TMEM178B: variants seen among roughly 807,000 people sequenced by gnomAD.
TMEM178B encodes transmembrane protein 178B.
Under a neutral mutation model 31.0 loss-of-function variants are expected in TMEM178B, and 5 were observed. The ratio of observed to expected loss-of-function variants is 0.16; its 90% CI spans 0.08 to 0.34. The LOEUF is 0.34. Ranked by LOEUF, TMEM178B falls within the 10% of genes least tolerant of loss-of-function variation. The pLI is 1.00. For missense variants in TMEM178B, 275 were observed against 400.3 expected (o/e 0.69, Z 2.67); for synonymous variants, 164 against 164.0 (o/e 1.00, Z 0.00).
At position 141,416,495 on chromosome 7, in the gene TMEM178B, G is replaced by A. The variant is rs183534632; in HGVS notation, c.497-21113G>A. On this transcript the variant is annotated intron_variant, in intron 2 of 3. Coordinates refer to ENST00000565468, the MANE Select transcript of TMEM178B (RefSeq NM_001195278.2). ...AATCACCTGGAGAGCAGAACAGGCTGGCTATCAATATATAAACATCTTGCC... is the reference window on the plus strand; with the variant it reads ...AATCACCTGGAGAGCAGAACAGGCTAGCTATCAATATATAAACATCTTGCC... The A allele has an allele frequency of 1.8e-3, 276 of 152,478 alleles. 1 individual carries two copies. Among genetic ancestry groups the A allele is most frequent in the African/African-American group, 6.2e-3 (258 of 41,572 alleles). The allele number at this position is 152,478 out of a possible 1,614,324, so 9.4% of individuals were successfully genotyped here. A position where few individuals can be genotyped will look rare whatever the true frequency, so the allele number is the denominator to read the frequency against.
chr7:141,310,286 C>T (rs1798885788), intron 2 of TMEM178B, among the ~76,000 whole-genome samples: 1 of 152,100 alleles, frequency 6.6e-6, no homozygotes, highest in Admixed American at 6.6e-5. Context: ...ATAGACACTT[C>T]TCAAAAGAAT....
At chr7:141,368,667 A>G (rs1563163689) in intron 2 of TMEM178B, among the ~76,000 whole-genome samples, 1 of 152,216 alleles carries the variant, frequency 6.6e-6, no homozygotes, top group South Asian at 2.1e-4. Flanking sequence ...TGCACTGAAC[A>G]TTATTGTGGA....
chr7:141,241,258 C>T (rs1797613869), intron 2 of TMEM178B, among the ~76,000 whole-genome samples: 2 of 151,694 alleles, frequency 1.3e-5, no homozygotes, highest in Non-Finnish European at 2.9e-5. Context: ...TTTCCTGGTT[C>T]ATCTCATCCT....
chr7:141,307,677 T>C (rs1199861299), intron 2 of TMEM178B, among the ~76,000 whole-genome samples: 1 of 152,242 alleles, frequency 6.6e-6, no homozygotes, highest in Non-Finnish European at 1.5e-5. Flanking sequence ...TTCCTAAAAA[T>C]GGGATAAATA....
chr7:141,145,899 C>A (rs936615306), intron 1 of TMEM178B, among the ~76,000 whole-genome samples: 1 of 152,132 alleles, frequency 6.6e-6, no homozygotes, highest in African/African-American at 2.4e-5. Flanking sequence ...ACTATACATG[C>A]CAGAGGGCTG....
intron 3 of TMEM178B, among the ~76,000 whole-genome samples, chr7:141,440,452 A>G (rs969832299): frequency 6.6e-6 from 1 of 151,998 alleles, no homozygotes; most frequent in African/African-American, 2.4e-5. Context: ...TGAACTTTCC[A>G]GTTCTTTCTA....
intron 2 of TMEM178B, among the ~76,000 whole-genome samples, chr7:141,334,749 G>T (rs891980140): frequency 6.6e-6 from 1 of 152,218 alleles, no homozygotes; most frequent in African/African-American, 2.4e-5. Flanking sequence ...CCATGTGTAT[G>T]CCATGTCCTA....
chr7:141,332,209 A>G lies in TMEM178B; in HGVS notation c.497-105399A>G, dbSNP rs569982977. 2.6e-5 allele frequency among the ~76,000 whole-genome samples: 4 copies of G among 152,360 alleles called. No homozygotes were observed. The South Asian group carries it at 8.3e-4, about 32-fold the overall frequency. The stretch of plus-strand genomic sequence containing the variant: ...CATAGTTTTGTTCATTAATATATAA[A>G]GCAGGTGCCAGTTATTCAGATTCAC... On this transcript the variant is annotated intron_variant, in intron 2 of 3. Coordinates refer to ENST00000565468, the MANE Select transcript of TMEM178B (RefSeq NM_001195278.2).
intron 1 of TMEM178B, among the ~76,000 whole-genome samples, chr7:141,201,396 C>T (rs546404045): frequency 4.6e-5 from 7 of 152,074 alleles, no homozygotes; most frequent in South Asian, 2.1e-4. Context: ...TTGGGGGAGC[C>T]GGGAAGTGTT....
chr7:141,238,225 G>C (rs891321335), intron 2 of TMEM178B, among the ~76,000 whole-genome samples: 13 of 152,038 alleles, frequency 8.6e-5, no homozygotes, highest in Admixed American at 2.0e-4. Context: ...GAGAGGAGCT[G>C]AGTCTTACCC....
At chr7:141,223,013 A>G (rs1196170864) in intron 2 of TMEM178B, among the ~76,000 whole-genome samples, 2 of 152,206 alleles carry the variant, frequency 1.3e-5, no homozygotes, top group East Asian at 3.9e-4. Context: ...GTAACATTTC[A>G]GAGCTTTGAA....
chr7:141,494,652 C>T, the TMEM178B span, among the ~76,000 whole-genome samples: 1 of 152,284 alleles, frequency 6.6e-6, no homozygotes, highest in East Asian at 1.9e-4. Context: ...GCCTAGAATC[C>T]TAGCACTTTG....
At chr7:141,134,966 C>A (rs1289062973) in intron 1 of TMEM178B, among the ~76,000 whole-genome samples, 15 of 152,090 alleles carry the variant, frequency 9.9e-5, no homozygotes, top group Admixed American at 9.8e-4. Context: ...CCATGCTGTT[C>A]TTGTGATAGT....
At chr7:141,506,099 G>A in the TMEM178B span, among the ~76,000 whole-genome samples, 3 of 152,224 alleles carry the variant, frequency 2.0e-5, no homozygotes, top group Non-Finnish European at 2.9e-5. Context: ...ACAGGTACAC[G>A]TGCAAGTGCA....
At chr7:141,439,767 G>A (rs1801623734) in intron 3 of TMEM178B, among the ~76,000 whole-genome samples, 1 of 152,134 alleles carries the variant, frequency 6.6e-6, no homozygotes, top group Admixed American at 6.5e-5. Context: ...TGAGCCCTGG[G>A]GGCCAGCTTC....
chr7:141,460,236 G>A (rs369155823), intron 3 of TMEM178B, among the ~76,000 whole-genome samples: 2 of 152,320 alleles, frequency 1.3e-5, no homozygotes, highest in East Asian at 3.9e-4. Context: ...TGCCAACAGG[G>A]TTGTTTCCTC....
At chr7:141,482,896 TTG>T (rs138451463), downstream of TMEM178B, among the ~76,000 whole-genome samples, 1 of 135,810 alleles carries the variant, frequency 7.4e-6, no homozygotes, top group African/African-American at 2.7e-5. Context: ...GTCCAGGGAT[TTG>T]TGTGTGTGTG....
chr7:141,510,707 A>AAG, the TMEM178B span, among the ~76,000 whole-genome samples: 1 of 136,000 alleles, frequency 7.4e-6, no homozygotes, highest in African/African-American at 3.3e-5. Context: ...AAAAAAAAAA[A>AAG]AAAAAGAAAA....
At chr7:141,312,351 C>A (rs974937043) in intron 2 of TMEM178B, among the ~76,000 whole-genome samples, 1 of 152,138 alleles carries the variant, frequency 6.6e-6, no homozygotes, top group Non-Finnish European at 1.5e-5. Context: ...GTTCTGAGCT[C>A]TATTTTCAGA....
Sources: gnomAD v4.1 joint callset for allele counts (sites outside exome capture counted in the v4.1 genomes callset) on GRCh38, gnomAD v4.1.1 for gene constraint, MANE v1.5 for transcripts, NCBI Gene and HGNC (gene_info 2026-07-23, HGNC 2026-07-21) for gene names.